CDK19: variants seen among roughly 807,000 people sequenced by gnomAD.
CDK19 encodes the protein cyclin-dependent kinase 19.
In CDK19, 20 loss-of-function variants were observed where a neutral mutation model predicts 68.3. The observed-to-expected ratio is 0.29, with a 90% confidence interval of 0.21 to 0.43. The LOEUF is 0.43. CDK19 is among the 20% of genes least tolerant of loss of function. CDK19 has a pLI of 1.00. For synonymous variants in CDK19, 221 were observed against 222.8 expected, an observed-to-expected ratio of 0.99 and a Z score of 0.07; for missense variants, 339 against 623.5, an observed-to-expected ratio of 0.54 and a Z score of 4.86.
chr6:110,791,810 A>T (rs1366452736), intron 1 of CDK19, among the ~76,000 whole-genome samples: 1 of 151,608 alleles, frequency 6.6e-6, no homozygotes, highest in Non-Finnish European at 1.5e-5. Context: ...AAATAATAAT[A>T]ATTACTATTA....
At chr6:110,785,467 T>C (rs1487206440) in intron 1 of CDK19, among the ~76,000 whole-genome samples, 1 of 152,158 alleles carries the variant, frequency 6.6e-6, no homozygotes, top group Non-Finnish European at 1.5e-5. Flanking sequence ...TAAAGTAAGC[T>C]ACAGAAAAGA....
At chr6:110,664,495 G>A (rs1302500704) in intron 4 of CDK19, among the ~76,000 whole-genome samples, 1 of 152,102 alleles carries the variant, frequency 6.6e-6, no homozygotes, top group Admixed American at 6.6e-5. Flanking sequence ...TATTTGTGTT[G>A]TTCCCATCCC....
At chr6:110,651,283 T>A (rs758541845) in intron 4 of CDK19, among the ~76,000 whole-genome samples, 8 of 147,250 alleles carry the variant, frequency 5.4e-5, no homozygotes, top group Admixed American at 4.0e-4. Flanking sequence ...CACCTATTTA[T>A]GTATCTGTCT....
chr6:110,783,650 GA>G (rs1018612795), intron 1 of CDK19, among the ~76,000 whole-genome samples: 8 of 134,286 alleles, frequency 6.0e-5, no homozygotes, highest in South Asian at 2.4e-4. Flanking sequence ...AAAAAAAAAA[GA>G]AAAAAAAAAG....
At chr6:110,752,334 C>T (rs1021511067) in intron 1 of CDK19, among the ~76,000 whole-genome samples, 1 of 152,148 alleles carries the variant, frequency 6.6e-6, no homozygotes, top group Non-Finnish European at 1.5e-5. Flanking sequence ...TGAAACAAAT[C>T]CCAGACATCT....
At chr6:110,719,666 T>C (rs1395937729) in intron 2 of CDK19, among the ~76,000 whole-genome samples, 1 of 152,152 alleles carries the variant, frequency 6.6e-6, no homozygotes, top group Non-Finnish European at 1.5e-5. Context: ...AAAAACCTAT[T>C]TCAATTAGAA....
At chr6:110,812,923 C>T (rs1783221184) in intron 1 of CDK19, among the ~76,000 whole-genome samples, 1 of 151,712 alleles carries the variant, frequency 6.6e-6, no homozygotes, top group Non-Finnish European at 1.5e-5. Context: ...CCACAAGAGA[C>T]GTGGGTGTTT....
chr6:110,630,247 G>A (rs1192811579), intron 6 of CDK19, among the ~76,000 whole-genome samples: 1 of 152,180 alleles, frequency 6.6e-6, no homozygotes, highest in Non-Finnish European at 1.5e-5. Flanking sequence ...CCCTTCTAGA[G>A]CTAGACTGTC....
chr6:110,617,660 T>TAC (rs1317691490), intron 12 of CDK19, among the ~76,000 whole-genome samples: 308 of 66,780 alleles, frequency 4.6e-3, no homozygotes, highest in African/African-American at 8.6e-3. Flanking sequence ...TTTATATATA[T>TAC]ATACACACAC....
At chr6:110,731,137 AAAAAGAAAAG>A (rs560697495) in intron 2 of CDK19, among the ~76,000 whole-genome samples, 1 of 124,912 alleles carries the variant, frequency 8.0e-6, no homozygotes. Flanking sequence ...AAAGAAAAGA[AAAAAGAAAAG>A]AAAAGAAAAG....
chr6:110,728,078 G>A (rs1193703373), intron 2 of CDK19, among the ~76,000 whole-genome samples: 6 of 151,628 alleles, frequency 4.0e-5, no homozygotes, highest in African/African-American at 9.7e-5. Context: ...TCACGAGGTC[G>A]GGAGTTCAAG....
intron 1 of CDK19, among the ~76,000 whole-genome samples, chr6:110,775,663 G>A (rs1780345777): frequency 6.6e-6 from 1 of 152,044 alleles, no homozygotes; most frequent in Non-Finnish European, 1.5e-5. Context: ...TTCTTTTCTG[G>A]TAATAGGGAT....
intron 1 of CDK19, among the ~76,000 whole-genome samples, chr6:110,812,797 C>T (rs1422845134): frequency 6.9e-6 from 1 of 145,450 alleles, no homozygotes; most frequent in East Asian, 2.0e-4. Context: ...CAAATCTGCC[C>T]ACTGTTTAAA....
intron 1 of CDK19, among the ~76,000 whole-genome samples, chr6:110,756,334 G>A (rs1778833922): frequency 2.0e-5 from 3 of 151,646 alleles, no homozygotes; most frequent in East Asian, 3.9e-4. Context: ...AGGTTGCAAT[G>A]AGCCGAGATT....
chr6:110,624,841 T>C (rs913366365), intron 8 of CDK19, among the ~76,000 whole-genome samples: 7 of 152,328 alleles, frequency 4.6e-5, no homozygotes, highest in Non-Finnish European at 1.0e-4. Flanking sequence ...CAGAGACCCC[T>C]ACTAGACCCT....
intron 9 of CDK19, 130 bp downstream of exon 9, chr6:110,623,159 CA>C (rs1010738476): frequency 1.4e-4 from 106 of 763,368 alleles, no homozygotes; most frequent in Non-Finnish European, 1.7e-4. Context: ...GACATCTCAA[CA>C]AAAAAAATAT....
chr6:110,657,674 G>C (rs1268057481), intron 4 of CDK19, among the ~76,000 whole-genome samples: 1 of 152,200 alleles, frequency 6.6e-6, no homozygotes, highest in Non-Finnish European at 1.5e-5. Flanking sequence ...ATCTTAATTA[G>C]ACCCTCTTAG....
chr6:110,699,299 T>A (rs1393594898), intron 2 of CDK19, among the ~76,000 whole-genome samples: 4 of 151,576 alleles, frequency 2.6e-5, no homozygotes, highest in Admixed American at 2.6e-4. Flanking sequence ...GTGGTGCATG[T>A]CTGTAATCCT....
chr6:110,809,242 C>T (rs948908337), intron 1 of CDK19, among the ~76,000 whole-genome samples: 2 of 150,996 alleles, frequency 1.3e-5, no homozygotes, highest in Admixed American at 6.6e-5. Flanking sequence ...GGGCCAGGCA[C>T]AGTGACTCAT....
Sources: allele counts gnomAD v4.1 joint callset (sites outside exome capture counted in the v4.1 genomes callset), GRCh38; gene constraint gnomAD v4.1.1; transcripts MANE v1.5; gene names NCBI Gene and HGNC (gene_info 2026-07-23, HGNC 2026-07-21).